MAGI2: variants seen among roughly 807,000 people sequenced by gnomAD.
MAGI2 encodes membrane associated guanylate kinase, WW and PDZ domain containing 2, also known as membrane-associated guanylate kinase, WW and PDZ domain-containing protein 2.
MAGI2 carries 35 observed loss-of-function variants against 133.3 expected under a neutral mutation model. The ratio of observed to expected loss-of-function variants is 0.26; its 90% CI spans 0.20 to 0.35. The LOEUF (loss-of-function observed/expected upper bound fraction) is 0.35. MAGI2 is among the 10% of genes least tolerant of loss of function. The pLI is 1.00. For synonymous variants in MAGI2, 729 were observed against 710.6 expected, an observed-to-expected ratio of 1.03 and a Z score of -0.41; for missense variants, 1,636 against 1,863.4, an observed-to-expected ratio of 0.88 and a Z score of 2.25.
At chr7:78,650,589 G>A (rs1811455355) in intron 2 of MAGI2, among the ~76,000 whole-genome samples, 1 of 152,178 alleles carries the variant, frequency 6.6e-6, no homozygotes, top group Non-Finnish European at 1.5e-5. Flanking sequence ...TAATGAAGTG[G>A]TTACAGGGGC....
intron 3 of MAGI2, among the ~76,000 whole-genome samples, chr7:78,585,509 A>G (rs1296694484): frequency 1.3e-5 from 2 of 152,118 alleles, no homozygotes; most frequent in Non-Finnish European, 2.9e-5. Flanking sequence ...GCAGCATAGG[A>G]ACCGGGGGGA....
chr7:78,301,153 A>C (rs916945958), intron 9 of MAGI2, among the ~76,000 whole-genome samples: 5 of 152,170 alleles, frequency 3.3e-5, no homozygotes, highest in African/African-American at 1.2e-4. Context: ...ATGGGTGCTA[A>C]TTTAGAACAA....
chr7:78,823,361 A>G (rs1584033732), intron 2 of MAGI2, among the ~76,000 whole-genome samples: 1 of 152,170 alleles, frequency 6.6e-6, no homozygotes, highest in South Asian at 2.1e-4. Context: ...AGGCGGGTGG[A>G]TCACGAGGTC....
chr7:78,782,032 T>TG, intron 2 of MAGI2, among the ~76,000 whole-genome samples: 1 of 152,284 alleles, frequency 6.6e-6, no homozygotes, highest in Non-Finnish European at 1.5e-5. Context: ...TCAGTGTAGT[T>TG]CAGATTTTTC....
At chr7:79,408,262 C>G (rs1845938152) in intron 1 of MAGI2, among the ~76,000 whole-genome samples, 1 of 151,924 alleles carries the variant, frequency 6.6e-6, no homozygotes, top group African/African-American at 2.4e-5. Context: ...ACTAGGAACA[C>G]TCTAATGAGA....
intron 10 of MAGI2, among the ~76,000 whole-genome samples, chr7:78,239,916 G>A (rs932875469): frequency 6.6e-6 from 1 of 152,068 alleles, no homozygotes; most frequent in Non-Finnish European, 1.5e-5. Flanking sequence ...ATATCTGAAG[G>A]AAATGAAACA....
intron 1 of MAGI2, among the ~76,000 whole-genome samples, chr7:79,036,641 A>C (rs2116862545): frequency 6.7e-6 from 1 of 148,838 alleles, no homozygotes; most frequent in South Asian, 2.2e-4. Flanking sequence ...GATTTGAAAC[A>C]CATGTCTGTA....
chr7:79,197,324 G>A (rs945825638), intron 1 of MAGI2, among the ~76,000 whole-genome samples: 5 of 152,022 alleles, frequency 3.3e-5, no homozygotes, highest in Middle Eastern at 3.4e-3. Flanking sequence ...TAAAAAACCC[G>A]TGAAATGAGA....
intron 1 of MAGI2, among the ~76,000 whole-genome samples, chr7:79,264,492 A>G (rs995998416): frequency 2.0e-5 from 3 of 152,196 alleles, no homozygotes; most frequent in Non-Finnish European, 4.4e-5. Flanking sequence ...CAGGCATATA[A>G]CTAATTATAT....
intron 6 of MAGI2, among the ~76,000 whole-genome samples, chr7:78,449,189 C>T (rs17353329): frequency 0.072 from 10,965 of 151,950 alleles, 398 homozygotes; most frequent in Non-Finnish European, 0.078. Flanking sequence ...CATGTGTAGG[C>T]CCCTGAGCAC....
At chr7:78,244,231 A>T (rs942985529) in intron 10 of MAGI2, among the ~76,000 whole-genome samples, 2 of 150,900 alleles carry the variant, frequency 1.3e-5, no homozygotes, top group African/African-American at 4.8e-5. Flanking sequence ...CTCTCAGGTA[A>T]AGTGGAAACT....
chr7:79,160,129 C>G (rs1466555128), intron 1 of MAGI2, among the ~76,000 whole-genome samples: 1 of 151,984 alleles, frequency 6.6e-6, no homozygotes, highest in Non-Finnish European at 1.5e-5. Flanking sequence ...CTCTGGTTCC[C>G]CATCCCCCAC....
At chr7:78,919,860 A>G (rs1037391710) in intron 2 of MAGI2, among the ~76,000 whole-genome samples, 4 of 152,118 alleles carry the variant, frequency 2.6e-5, no homozygotes, top group Admixed American at 6.6e-5. Context: ...TATTCATGCC[A>G]TTCATTCACT....
At chr7:78,737,367 C>T (rs888328568) in intron 2 of MAGI2, among the ~76,000 whole-genome samples, 2 of 152,082 alleles carry the variant, frequency 1.3e-5, no homozygotes, top group Non-Finnish European at 2.9e-5. Context: ...GCAAGATACA[C>T]CATTGGAATT....
intron 2 of MAGI2, among the ~76,000 whole-genome samples, chr7:79,002,631 G>A (rs1441765091): frequency 6.6e-6 from 1 of 151,594 alleles, no homozygotes. Flanking sequence ...ATTAGAACTT[G>A]AAAATTCCCC....
intron 1 of MAGI2, among the ~76,000 whole-genome samples, chr7:79,032,004 T>C (rs907268609): frequency 4.6e-5 from 7 of 152,162 alleles, no homozygotes; most frequent in African/African-American, 1.7e-4. Context: ...TATTACAAGA[T>C]TGTACCATAA....
intron 1 of MAGI2, among the ~76,000 whole-genome samples, chr7:79,340,821 C>G (rs1840838352): frequency 6.6e-6 from 1 of 152,012 alleles, no homozygotes; most frequent in Non-Finnish European, 1.5e-5. Flanking sequence ...AGTCTTCTAT[C>G]TTAAACTCTG....
intron 1 of MAGI2, among the ~76,000 whole-genome samples, chr7:79,095,214 T>C (rs1345563739): frequency 1.3e-5 from 2 of 152,224 alleles, no homozygotes; most frequent in African/African-American, 2.4e-5. Flanking sequence ...TCAGCCTTCA[T>C]AGAATTGAAG....
Position 78,660,073 on chromosome 7 carries a change from G to A in MAGI2, c.419-32834C>T, listed in dbSNP as rs577886560. Among the ~76,000 whole-genome samples, 5 of 145,354 alleles carry A rather than the reference G, an allele frequency of 3.4e-5. No homozygotes were observed. The East Asian group carries it at 1.1e-3, about 31-fold the overall frequency. On this transcript the variant is annotated intron_variant, in intron 2 of 21. Transcript: ENST00000354212. The stretch of plus-strand genomic sequence containing the variant: ...TACTCATAGGTGGGAATTGAACAAT[G>A]AGAACACTTGGACACAGGAAGGGGA...
Sources: allele counts gnomAD v4.1 joint callset (sites outside exome capture counted in the v4.1 genomes callset), GRCh38; gene constraint gnomAD v4.1.1; transcripts MANE v1.5; gene names NCBI Gene and HGNC (gene_info 2026-07-23, HGNC 2026-07-21).